Variants in RMDN3 observed in about 807,000 individuals in gnomAD.
RMDN3 encodes regulator of microtubule dynamics 3, also known as regulator of microtubule dynamics protein 3.
A neutral mutation model predicts 61.8 loss-of-function variants in RMDN3; 41 were observed. The ratio of observed to expected loss-of-function variants is 0.66; its 90% CI spans 0.52 to 0.86. RMDN3 has a LOEUF of 0.86. Among genes scored for constraint, RMDN3 ranks in the 40% least tolerant of loss-of-function variants. RMDN3 has a pLI of 0.00. For missense variants in RMDN3, 557 were observed against 585.3 expected, an observed-to-expected ratio of 0.95 and a Z score of 0.50; for synonymous variants, 247 against 232.0, an observed-to-expected ratio of 1.06 and a Z score of -0.59.
rs1240663156 is a variant in RMDN3 at position 40,754,754 on chromosome 15, G to A, written c.30C>T (p.Ala10=). The change falls in exon 2 of 13, where the codon GCC becomes GCT. Residue 10 remains alanine (A), a synonymous_variant. Transcript: ENST00000338376. ...CCAGCAACAGTCCCAGCCCGGCACGGGCACCACCCAGGGCTCCCAGTCTAG... is the reference window on the plus strand; with the variant it reads ...CCAGCAACAGTCCCAGCCCGGCACGAGCACCACCCAGGGCTCCCAGTCTAG... MSRLGALGG[A]RAGLGLLLGT... is the part of the protein sequence containing the mutation. 9 of 1,559,118 alleles carry A rather than the reference G, an allele frequency of 5.8e-6. No individual in the cohort carries two copies. Among genetic ancestry groups the A allele is most frequent in the Middle Eastern group, 3.6e-4 (2 of 5,608 alleles).
At chr15:40,750,934 C>T (rs1596056045) in intron 4 of RMDN3, among the ~76,000 whole-genome samples, 1 of 152,210 alleles carries the variant, frequency 6.6e-6, no homozygotes, top group East Asian at 1.9e-4. Context: ...CTCCTGCCAG[C>T]TGCCCCGCCT....
In RMDN3 at chr15:40,741,620, ATTTT is replaced by A. The variant is rs553262858; in HGVS notation, c.911-1431_911-1428del. 6.9e-3 allele frequency among the ~76,000 whole-genome samples: 493 copies of A among 71,706 alleles called. 13 individuals are homozygous for A. The highest frequency in any genetic ancestry group is 0.045 in the South Asian group (58 of 1,302). The allele number at this position is 71,706 out of a possible 152,430, so 47.0% of individuals were successfully genotyped here. On this transcript the variant is annotated intron_variant, in intron 6 of 12. Coordinates refer to ENST00000338376, the MANE Select transcript of RMDN3 (RefSeq NM_018145.3). ...ACTGGAGAAGACACTGCAACATAGG[ATTTT>A]TTTTTTTTTTTTTTTTTTTTTTGAG...
intron 6 of RMDN3, among the ~76,000 whole-genome samples, chr15:40,742,929 C>G (rs139242080): frequency 1.3e-5 from 2 of 152,294 alleles, no homozygotes; most frequent in Admixed American, 1.3e-4. Flanking sequence ...AAATAAGCAT[C>G]TTTTGTTAAA....
chr15:40,736,621 G>A, intron 12 of RMDN3, 27 bp from the exon 13 acceptor site: 1 of 1,609,198 alleles, frequency 6.2e-7, no homozygotes, highest in Non-Finnish European at 8.5e-7. Context: ...CAAATCTAGG[G>A]CTCAAAATTT....
intron 8 of RMDN3, 70 bp downstream of exon 8, chr15:40,738,431 C>A: frequency 6.6e-7 from 1 of 1,506,376 alleles, no homozygotes; most frequent in Non-Finnish European, 9.2e-7. Context: ...AAGTTTTTGG[C>A]AGGGAGCTGG....
intron 1 of RMDN3, 104 bp downstream of exon 1, chr15:40,754,979 G>A: frequency 1.8e-6 from 1 of 563,648 alleles, no homozygotes; most frequent in Non-Finnish European, 3.1e-6. Flanking sequence ...CCAGCCTCCT[G>A]GGCCCCACTG....
chr15:40,737,697 T>C lies in RMDN3; in HGVS notation c.1155A>G (p.Lys385=). 1 of 1,614,060 alleles carries C rather than the reference T, an allele frequency of 6.2e-7. No homozygotes were observed. The highest frequency in any genetic ancestry group is 1.6e-4 in the Middle Eastern group (1 of 6,062). The change falls in exon 10 of 13, where the codon AAA becomes AAG. Residue 385 remains lysine (K), a synonymous_variant. Transcript: ENST00000338376. The part of the protein sequence containing the change: ...QVSHLSWLEK[K]TATALLESPL... ...GGCTTTCAAGCAAGGCTGTAGCAGT[T>C]TTTTTTTCTAGCCAGCTCAGGTGAG...
At chr15:40,750,807 AGATGCTGCTACT>A (rs1237895407) in intron 4 of RMDN3, among the ~76,000 whole-genome samples, 1 of 152,234 alleles carries the variant, frequency 6.6e-6, no homozygotes, top group African/African-American at 2.4e-5. Flanking sequence ...CAGATGGGTC[AGATGCTGCTACT>A]GACATCACAC....
At chr15:40,737,576 GA>G in intron 10 of RMDN3, 51 bp downstream of exon 10, 1 of 1,521,966 alleles carries the variant, frequency 6.6e-7, no homozygotes, top group Non-Finnish European at 9.1e-7. Context: ...ATGTCCTTAG[GA>G]AAAAACAAGG....
At position 40,745,199 on chromosome 15, in the gene RMDN3, G is replaced by A. The variant is rs377576031; in HGVS notation, c.585C>T (p.Asp195=). The A allele has an allele frequency of 1.7e-5, 27 of 1,613,938 alleles. No individual in the cohort carries two copies. The highest frequency in any genetic ancestry group is 1.1e-4 in the East Asian group (5 of 44,868). Residue 195 remains aspartate, a synonymous_variant, in exon 5 of 13, where the codon GAC becomes GAT. Coordinates refer to ENST00000338376, the MANE Select transcript of RMDN3 (RefSeq NM_018145.3). ...TCTCACAGCTCACTTCATCTTCCCC[G>A]TCCTCACTTTCTTTGTCAGAGTCCC... ...NERDSDKESE[D]GEDEVSCETV...
At chr15:40,743,960 G>T (rs1567064378) in intron 6 of RMDN3, 87 bp downstream of exon 6, 103 of 1,115,682 alleles carry the variant, frequency 9.2e-5, no homozygotes, top group South Asian at 2.2e-4. Context: ...ACAGCATCTT[G>T]GTGGTTCCCC....
intron 9 of RMDN3, 42 bp from the exon 10 acceptor site, chr15:40,737,768 G>C (rs1236097982): frequency 2.5e-6 from 4 of 1,591,640 alleles, no homozygotes; most frequent in Admixed American, 3.5e-5. Context: ...GGTTTTAAAA[G>C]GTTTTTTTTC....
chr15:40,737,100 A>C (rs1267023018), intron 12 of RMDN3, 24 bp downstream of exon 12: 1 of 1,591,022 alleles, frequency 6.3e-7, no homozygotes, highest in East Asian at 2.2e-5. Flanking sequence ...GATCTGCCCA[A>C]CAGGCAGTAT....
chr15:40,736,239 A>T lies in RMDN3; in HGVS notation c.*302T>A. On this transcript the variant is annotated 3_prime_UTR_variant, in exon 13 of 13. Transcript: ENST00000338376. ...GTTCATCCACCTCACCAGCAATTGG[A>T]AGGTCTCAGGTCTTGCAGGCTCTAC... is the stretch of plus-strand genomic sequence containing the variant. 1 of 379,616 alleles carries T rather than the reference A, an allele frequency of 2.6e-6. No homozygotes were observed. The highest frequency in any genetic ancestry group is 4.7e-6 in the Non-Finnish European group (1 of 213,068). 23.5% of individuals were successfully genotyped at this position (379,616 alleles called of 1,614,324 possible).
intron 4 of RMDN3, among the ~76,000 whole-genome samples, chr15:40,747,229 GC>G (rs1346788450): frequency 6.6e-6 from 1 of 152,190 alleles, no homozygotes; most frequent in Non-Finnish European, 1.5e-5. Context: ...GAGGGACCTA[GC>G]CCTGCTGGAG....
intron 8 of RMDN3, 42 bp downstream of exon 8, chr15:40,738,459 G>C (rs1334625597): frequency 3.1e-6 from 5 of 1,598,958 alleles, no homozygotes; most frequent in Non-Finnish European, 4.3e-6. Flanking sequence ...TGGGGAATCT[G>C]GGATAGGCCA....
rs755989202 is a variant in RMDN3, at chr15:40,745,207, T to C, written c.577A>G (p.Ser193Gly). Residue 193 changes from serine to glycine, a missense_variant, in exon 5 of 13, where the codon AGT (serine) becomes GGT (glycine). Transcript: ENST00000338376. ...CTCACTTCATCTTCCCCGTCCTCACTTTCTTTGTCAGAGTCCCGCTCATTG... is the reference window on the plus strand; with the variant it reads ...CTCACTTCATCTTCCCCGTCCTCACCTTCTTTGTCAGAGTCCCGCTCATTG... Reference protein sequence around the residue: ...SDNERDSDKESEDGEDEVSCE... With the variant: ...SDNERDSDKEGEDGEDEVSCE... The C allele has an allele frequency of 1.2e-5, 20 of 1,613,982 alleles. No individual in the cohort carries two copies. In the South Asian group the frequency reaches 2.2e-4, roughly 18 times the overall value.
intron 7 of RMDN3, chr15:40,739,073 T>G (rs1897178602): frequency 6.6e-6 from 1 of 152,526 alleles, no homozygotes; most frequent in African/African-American, 2.4e-5. Context: ...TTCTAGGAAT[T>G]TCTGATGTTA....
At chr15:40,753,705 C>G (rs763612659) in intron 2 of RMDN3, among the ~76,000 whole-genome samples, 2 of 152,184 alleles carry the variant, frequency 1.3e-5, no homozygotes, top group African/African-American at 4.8e-5. Context: ...GCTCCTAGCC[C>G]TATGCCGTAG....
Sources: gnomAD v4.1 joint callset for allele counts (sites outside exome capture counted in the v4.1 genomes callset) on GRCh38, gnomAD v4.1.1 for gene constraint, MANE v1.5 for transcripts, NCBI Gene and HGNC (gene_info 2026-07-23, HGNC 2026-07-21) for gene names.